Variants in DNAH3 observed in about 807,000 individuals in gnomAD.
The protein encoded by DNAH3 is axonemal beta dynein heavy chain 3.
DNAH3 carries 332 observed loss-of-function variants against 432.5 expected under a neutral mutation model. That is an observed-to-expected ratio of 0.77 (90% CI 0.70 to 0.84). The LOEUF is 0.84. Ranked by LOEUF, DNAH3 falls within the 40% of genes least tolerant of loss-of-function variation. DNAH3 has a pLI of 0.00. For synonymous variants in DNAH3, 1,956 were observed against 1,900.2 expected, an observed-to-expected ratio of 1.03 and a Z score of -0.76; for missense variants, 4,861 against 5,114.0, an observed-to-expected ratio of 0.95 and a Z score of 1.51.
chr16:20,961,444 T>C lies in DNAH3; in HGVS notation c.10600+1840A>G, dbSNP rs1026177811. ...CACCAACATGGCACATATATACATA[T>C]GTAACAAACTTGCACGTTGTGCACA... On this transcript the variant is annotated intron_variant, in intron 53 of 61. Coordinates refer to ENST00000261383, the Ensembl canonical transcript of DNAH3. Among the ~76,000 whole-genome samples, 8 of 151,780 alleles carry C rather than the reference T, an allele frequency of 5.3e-5. No homozygotes were observed. The East Asian group carries it at 1.5e-3, about 29-fold the overall frequency.
intron 7 of DNAH3, among the ~76,000 whole-genome samples, chr16:21,130,793 C>T (rs557432069): frequency 6.6e-6 from 1 of 152,302 alleles, no homozygotes; most frequent in East Asian, 1.9e-4. Context: ...AATTTAAACT[C>T]AGGTACATGT....
intron 47 of DNAH3, among the ~76,000 whole-genome samples, chr16:20,986,322 T>G (rs948417343): frequency 6.6e-6 from 1 of 151,724 alleles, no homozygotes; most frequent in Admixed American, 6.6e-5. Context: ...CTGGGCAACA[T>G]AGTGAGACTC....
At chr16:21,152,447 G>A (rs1011182424) in intron 1 of DNAH3, among the ~76,000 whole-genome samples, 2 of 152,232 alleles carry the variant, frequency 1.3e-5, no homozygotes, top group African/African-American at 4.8e-5. Flanking sequence ...AGTCCTCACA[G>A]CCCTCGCTCG....
rs369332747 is a variant in DNAH3 at position 21,035,625 on chromosome 16, T to C, written c.5085+1089A>G. Among the ~76,000 whole-genome samples the C allele has an allele frequency of 9.8e-5, 15 of 152,314 alleles. No homozygotes were observed. In the East Asian group the frequency reaches 2.9e-3, roughly 29 times the overall value. ...GTGGTGAGTACATGAATGTTCTGCG[T>C]ACGTTTCGTTCAATTTTTCTGCATG... On this transcript the variant is annotated intron_variant, in intron 35 of 61. Coordinates refer to ENST00000261383, the Ensembl canonical transcript of DNAH3.
Position 21,106,170 on chromosome 16 carries a change from C to A in DNAH3, c.2284+320G>T, listed in dbSNP as rs180999279. On this transcript the variant is annotated intron_variant, in intron 15 of 61. Transcript: ENST00000261383. ...ACTCCAACCTGATGACAGAGCGAGA[C>A]TCCATCTAAAAAAAAAAAAAAAAAA... Among the ~76,000 whole-genome samples, 994 of 138,470 alleles carry A rather than the reference C, an allele frequency of 7.2e-3. 15 individuals carry two copies. The highest frequency in any genetic ancestry group is 0.025 in the African/African-American group (933 of 37,840). 90.8% of individuals were successfully genotyped at this position (138,470 alleles called of 152,430 possible).
At chr16:21,090,361 C>T (rs1239696997) in intron 18 of DNAH3, among the ~76,000 whole-genome samples, 3 of 145,530 alleles carry the variant, frequency 2.1e-5, no homozygotes, top group Non-Finnish European at 4.5e-5. Context: ...AAAAACCACA[C>T]AGATACATTA....
chr16:21,087,111 A>T (rs2091403444), intron 18 of DNAH3, 51 bp from the exon 19 acceptor site: 1 of 1,446,308 alleles, frequency 6.9e-7, no homozygotes, highest in East Asian at 2.3e-5. Flanking sequence ...GATGTTAGTC[A>T]TGCGTACCTT....
At chr16:21,013,746 A>G (rs1420047966) in intron 41 of DNAH3, among the ~76,000 whole-genome samples, 1 of 151,684 alleles carries the variant, frequency 6.6e-6, no homozygotes, top group African/African-American at 2.4e-5. Context: ...AAAAACTAAA[A>G]AAATGAAAGA....
At chr16:21,074,751 ATGTG>A (rs61209709) in intron 21 of DNAH3, among the ~76,000 whole-genome samples, 3,567 of 152,072 alleles carry the variant, frequency 0.023, 140 homozygotes, top group African/African-American at 0.081. Flanking sequence ...GGTCTGCAGG[ATGTG>A]TGTATCAACC....
chr16:21,102,217 C>G (rs1336128691), intron 16 of DNAH3, among the ~76,000 whole-genome samples: 1 of 152,112 alleles, frequency 6.6e-6, no homozygotes, highest in African/African-American at 2.4e-5. Context: ...GGGGAACCAG[C>G]GGATGAGATC....
At position 21,153,905 on chromosome 16, in the gene DNAH3, A is replaced by G. The variant is rs151078016; in HGVS notation, c.117+5420T>C. On this transcript the variant is annotated intron_variant, in intron 1 of 61. Coordinates refer to ENST00000261383, the Ensembl canonical transcript of DNAH3. ...AAGTTGGGCTTTCCATCCTTTCAAA[A>G]TAACCCTGAGCTTTTCCATCTCTTA... Among the ~76,000 whole-genome samples, 191 of 152,308 alleles carry G rather than the reference A, an allele frequency of 1.3e-3. 1 individual carries two copies. Among genetic ancestry groups the G allele is most frequent in the African/African-American group, 3.9e-3 (161 of 41,568 alleles).
intron 55 of DNAH3, among the ~76,000 whole-genome samples, chr16:20,954,365 A>G (rs905775399): frequency 6.9e-5 from 10 of 144,794 alleles, no homozygotes; most frequent in Admixed American, 1.4e-4. Flanking sequence ...ATATGGGCTC[A>G]CTACAAACTC....
chr16:21,118,143 A>T (rs144965654), intron 11 of DNAH3, among the ~76,000 whole-genome samples: 3,375 of 151,932 alleles, frequency 0.022, 99 homozygotes, highest in Admixed American at 0.079. Flanking sequence ...ATGCACCACC[A>T]TACCCAGCTA....
At chr16:21,025,581 C>T (rs187105264) in intron 38 of DNAH3, among the ~76,000 whole-genome samples, 4 of 150,096 alleles carry the variant, frequency 2.7e-5, no homozygotes, top group African/African-American at 9.7e-5. Flanking sequence ...TATCTGTGTT[C>T]TATATAATAT....
At chr16:21,073,343 C>A (rs544943909) in intron 21 of DNAH3, among the ~76,000 whole-genome samples, 2 of 152,256 alleles carry the variant, frequency 1.3e-5, no homozygotes, top group South Asian at 4.1e-4. Context: ...TTCCCCAGGT[C>A]TCCTAGCTTA....
chr16:21,156,879 T>C (rs1478806765), intron 1 of DNAH3, among the ~76,000 whole-genome samples: 1 of 151,784 alleles, frequency 6.6e-6, no homozygotes, highest in Non-Finnish European at 1.5e-5. Flanking sequence ...ATTTGAAGAT[T>C]CACAGAGACG....
At chr16:21,122,124 C>T in exon 10 of DNAH3, 1 of 1,606,118 alleles carries the variant, frequency 6.2e-7, no homozygotes, top group Non-Finnish European at 8.5e-7. Flanking sequence ...TCATTCCCAT[C>T]CTTCAGGAGA....
intron 18 of DNAH3, among the ~76,000 whole-genome samples, chr16:21,089,961 A>G (rs1376715340): frequency 6.6e-6 from 1 of 152,100 alleles, no homozygotes; most frequent in Non-Finnish European, 1.5e-5. Context: ...AGAAGATGCA[A>G]ATTACCAATA....
chr16:21,098,434 G>A (rs1170490061), intron 17 of DNAH3, among the ~76,000 whole-genome samples, 182 bp downstream of exon 17: 1 of 115,160 alleles, frequency 8.7e-6, no homozygotes, highest in African/African-American at 3.6e-5. Flanking sequence ...GTGAGACCTT[G>A]TCTCAAAAAA....
Sources: allele counts gnomAD v4.1 joint callset (sites outside exome capture counted in the v4.1 genomes callset), GRCh38; gene constraint gnomAD v4.1.1; transcripts MANE v1.5; gene names NCBI Gene and HGNC (gene_info 2026-07-23, HGNC 2026-07-21).